The following MED27 variants were observed in gnomAD, a reference collection of about 807,000 sequenced individuals.
MED27 encodes mediator complex subunit 27.
MED27 carries 30 observed loss-of-function variants against 38.2 expected under a neutral mutation model. The observed-to-expected ratio is 0.79, with a 90% CI of 0.59 to 1.07. The LOEUF (loss-of-function observed/expected upper bound fraction) is 1.07, where lower values mean the gene tolerates loss of function less well. Ranked by LOEUF, MED27 falls within the 50% of genes least tolerant of loss-of-function variation. The probability of loss-of-function intolerance (pLI) is 0.00; values close to 1 mark genes in which losing one functional copy is unlikely to be tolerated. For missense variants in MED27, 289 were observed against 397.5 expected, an observed-to-expected ratio of 0.73 and a Z score of 2.32; for synonymous variants, 122 against 153.5, an observed-to-expected ratio of 0.79 and a Z score of 1.52.
chr9:131,872,887 C>G lies in MED27; in HGVS notation c.724-9747G>C, dbSNP rs1021134127. Among the ~76,000 whole-genome samples, 1 of 152,226 alleles carries G rather than the reference C, an allele frequency of 6.6e-6. No homozygotes were observed. Among genetic ancestry groups the G allele is most frequent in the African/African-American group, 2.4e-5 (1 of 41,458 alleles). On this transcript the variant is annotated intron_variant, in intron 6 of 7. Coordinates refer to ENST00000292035, the MANE Select transcript of MED27 (RefSeq NM_004269.4). The surrounding 1 kb of genome is among the most constrained non-coding windows in gnomAD (Gnocchi z 5.6). ...AAGAGCTTGAGGATTCAGCTTGGAA[C>G]CAGGGAGGCCACCTGCACAGCACTG...
chr9:132,079,625 C>A lies in MED27; in HGVS notation c.203+17G>T, dbSNP rs770835775. 9 of 1,612,208 alleles carry A rather than the reference C, an allele frequency of 5.6e-6. No individual in the cohort carries two copies. In the South Asian group the frequency reaches 7.7e-5, roughly 14 times the overall value. On this transcript the variant is annotated intron_variant, in intron 1 of 7. Transcript: ENST00000292035. ...CGGGGCCGGTCCCCGACCCCGGCCC[C>A]TTCAGCCGGTACCTACTTGAGGTCC...
Position 131,862,820 on chromosome 9 carries a change from A to C in MED27, c.801+243T>G, listed in dbSNP as rs2131445372. On this transcript the variant is annotated intron_variant, in intron 7 of 7. Coordinates refer to ENST00000292035, the MANE Select transcript of MED27 (RefSeq NM_004269.4). This position sits in a 1 kb window ranked among gnomAD's most constrained non-coding sequence, Gnocchi z 4.6. ...AAGTCAATGCTGGAACTATTTTGGA[A>C]GATCATTTCTGAAACCACCGCTTTT... 6.6e-6 allele frequency among the ~76,000 whole-genome samples: 1 copy of C among 152,324 alleles called. No homozygotes were observed. The highest frequency in any genetic ancestry group is 2.4e-5 in the African/African-American group (1 of 41,584).
chr9:131,898,043 A>G (rs1564273927), intron 4 of MED27, among the ~76,000 whole-genome samples: 1 of 151,268 alleles, frequency 6.6e-6, no homozygotes. Flanking sequence ...ATACTTTAAC[A>G]TGCTGCTCCT....
At chr9:131,933,465 C>A (rs1458105052) in intron 4 of MED27, among the ~76,000 whole-genome samples, 1 of 151,654 alleles carries the variant, frequency 6.6e-6, no homozygotes, top group Non-Finnish European at 1.5e-5. Context: ...TAAGAGCGAA[C>A]AATATGAAAA....
chr9:131,953,130 C>T (rs1392653669), intron 3 of MED27, among the ~76,000 whole-genome samples: 3 of 152,130 alleles, frequency 2.0e-5, no homozygotes, highest in African/African-American at 7.2e-5. Flanking sequence ...AATAATTTTC[C>T]CCTGGAGTAT....
At position 132,072,242 on chromosome 9, in the gene MED27, G is replaced by C. The variant is rs570463072; in HGVS notation, c.348+5200C>G. ...ATGTGTGAGTTACCCTAAGACATTT[G>C]ATGTGCATTATCTCAATCTTCGCTT... On this transcript the variant is annotated intron_variant, in intron 2 of 7. Coordinates refer to ENST00000292035, the MANE Select transcript of MED27 (RefSeq NM_004269.4). Among the ~76,000 whole-genome samples the C allele has an allele frequency of 1.7e-3, 261 of 151,792 alleles. 1 individual carries two copies. Among genetic ancestry groups the C allele is most frequent in the African/African-American group, 5.9e-3 (241 of 41,092 alleles).
intron 3 of MED27, among the ~76,000 whole-genome samples, chr9:131,968,309 A>G (rs1236398490): frequency 7.2e-5 from 11 of 151,970 alleles, no homozygotes; most frequent in Admixed American, 7.2e-4. Context: ...CTTCATCTTT[A>G]CAAAAAGTAC....
intron 2 of MED27, among the ~76,000 whole-genome samples, chr9:132,033,811 C>T (rs975140742): frequency 5.3e-5 from 8 of 152,202 alleles, no homozygotes; most frequent in African/African-American, 1.9e-4. Context: ...TTCCTTTCTC[C>T]ACCTCCCTAA....
At chr9:131,912,403 GA>G in intron 4 of MED27, among the ~76,000 whole-genome samples, 1 of 152,250 alleles carries the variant, frequency 6.6e-6, no homozygotes, top group South Asian at 2.1e-4. Context: ...TTAGTATCAG[GA>G]AAAAAATAAC....
chr9:131,983,547 T>G (rs911119812), intron 3 of MED27, among the ~76,000 whole-genome samples: 3 of 152,222 alleles, frequency 2.0e-5, no homozygotes, highest in African/African-American at 7.2e-5. Context: ...TATTACTATA[T>G]TAAACCTAGT....
At chr9:131,994,435 A>T (rs535524912) in intron 3 of MED27, among the ~76,000 whole-genome samples, 292 of 152,310 alleles carry the variant, frequency 1.9e-3, no homozygotes, top group African/African-American at 6.3e-3. Flanking sequence ...GGCAGAGATT[A>T]GTGCCACCTG....
intron 2 of MED27, among the ~76,000 whole-genome samples, chr9:132,054,819 A>C (rs1192534210): frequency 6.6e-6 from 1 of 152,126 alleles, no homozygotes; most frequent in African/African-American, 2.4e-5. Context: ...TTAGGAACCT[A>C]GTTGTTTTGT....
chr9:132,066,551 A>C (rs963975891), intron 2 of MED27, among the ~76,000 whole-genome samples: 2 of 152,200 alleles, frequency 1.3e-5, no homozygotes, highest in Admixed American at 6.5e-5. Context: ...TCACCTGGAG[A>C]AGTCAGCAAG....
chr9:131,947,002 C>A (rs1487479990), intron 3 of MED27, among the ~76,000 whole-genome samples: 1 of 152,172 alleles, frequency 6.6e-6, no homozygotes, highest in Non-Finnish European at 1.5e-5. Context: ...ACACCTAACT[C>A]CCCTACAGAA....
chr9:131,969,127 G>A (rs544671661), intron 3 of MED27, among the ~76,000 whole-genome samples: 58 of 152,190 alleles, frequency 3.8e-4, no homozygotes, highest in African/African-American at 1.3e-3. Flanking sequence ...GAAATAAAGC[G>A]CACAATGAAC....
At chr9:131,865,914 C>T (rs1838729398) in intron 6 of MED27, among the ~76,000 whole-genome samples, 1 of 152,110 alleles carries the variant, frequency 6.6e-6, no homozygotes, top group African/African-American at 2.4e-5. Context: ...CAAAGGGGGC[C>T]CAGCTTCTCC....
At chr9:131,989,646 T>TAA (rs1354118007) in intron 3 of MED27, among the ~76,000 whole-genome samples, 172 of 152,328 alleles carry the variant, frequency 1.1e-3, no homozygotes, top group Middle Eastern at 6.8e-3. Flanking sequence ...ATTTTTAATT[T>TAA]AACTCTATTA....
intron 2 of MED27, among the ~76,000 whole-genome samples, chr9:132,058,332 C>A (rs1263739884): frequency 1.3e-5 from 2 of 152,170 alleles, no homozygotes; most frequent in Non-Finnish European, 2.9e-5. Flanking sequence ...GTTCCCATAA[C>A]CCCCACATGT....
intron 3 of MED27, among the ~76,000 whole-genome samples, chr9:131,998,841 T>G (rs974980448): frequency 6.6e-6 from 1 of 152,054 alleles, no homozygotes; most frequent in African/African-American, 2.4e-5. Flanking sequence ...AGGAAATTGG[T>G]GGCTTTGATT....
Sources: allele counts gnomAD v4.1 joint callset (sites outside exome capture counted in the v4.1 genomes callset), GRCh38; gene constraint gnomAD v4.1.1; non-coding constraint Gnocchi (gnomAD v3.1); transcripts MANE v1.5; gene names NCBI Gene and HGNC (gene_info 2026-07-23, HGNC 2026-07-21).